Variants in EIF4G2 observed in about 807,000 individuals in gnomAD.
The protein encoded by EIF4G2 is DAP-5.
A neutral mutation model predicts 117.7 loss-of-function variants in EIF4G2; 8 were observed. The ratio of observed to expected loss-of-function variants is 0.07; its 90% confidence interval spans 0.04 to 0.12. The LOEUF is 0.12. Ranked by LOEUF, EIF4G2 falls within the 10% of genes least tolerant of loss-of-function variation. The pLI, the probability that EIF4G2 is intolerant of heterozygous loss-of-function variation, is 1.00. For missense variants in EIF4G2, 812 were observed against 1,086.2 expected (o/e 0.75, Z 3.55); for synonymous variants, 413 against 367.8 (o/e 1.12, Z -1.41).
intron 21 of EIF4G2, chr11:10,798,751 A>G (rs1002823140): frequency 8.6e-5 from 33 of 385,468 alleles, no homozygotes; most frequent in East Asian, 6.3e-4. Context: ...TCCCATGTAT[A>G]TAAGTAGCTA....
At chr11:10,804,458 T>C in intron 5 of EIF4G2, 40 bp from the exon 6 acceptor site, 2 of 1,540,996 alleles carry the variant, frequency 1.3e-6, no homozygotes, top group Non-Finnish European at 1.7e-6. Flanking sequence ...TATGAAAACT[T>C]CTCCAAGAAC....
Position 10,803,207 on chromosome 11 carries a change from T to G in EIF4G2, c.897+4A>C. On this transcript the variant is annotated splice_donor_region_variant and intron_variant, in intron 10 of 21. Coordinates refer to ENST00000339995, the MANE Select transcript of EIF4G2 (RefSeq NM_001418.4). This position sits in a 1 kb window ranked among gnomAD's most constrained non-coding sequence, Gnocchi z 4.0. Reference sequence around the variant, plus strand: ...ACCAACAAATTTAAAGAAACCAGTATTACCTGCAGCAGGAAACGAATCCTT... The same window carrying G: ...ACCAACAAATTTAAAGAAACCAGTAGTACCTGCAGCAGGAAACGAATCCTT... The G allele has an allele frequency of 6.2e-7, 1 of 1,613,302 alleles. No homozygotes were observed.
chr11:10,800,060 A>C (rs777595979), intron 18 of EIF4G2, 30 bp downstream of exon 18: 2 of 1,599,604 alleles, frequency 1.3e-6, no homozygotes, highest in East Asian at 4.5e-5. Context: ...ATATTAAAAA[A>C]ACAAAACAAA....
At chr11:10,806,469 C>G (rs1847572773) in intron 3 of EIF4G2, 1 of 324,162 alleles carries the variant, frequency 3.1e-6, no homozygotes, top group South Asian at 4.2e-5. Flanking sequence ...GTGTGAGCCA[C>G]TGTACCGGCT....
chr11:10,805,282 C>G (rs191490481), intron 4 of EIF4G2, among the ~76,000 whole-genome samples: 5 of 152,264 alleles, frequency 3.3e-5, no homozygotes, highest in Non-Finnish European at 7.4e-5. Flanking sequence ...ATCTCATTAT[C>G]AAGGCTAGAC....
chr11:10,803,754 A>C lies in EIF4G2; in HGVS notation c.702+145T>G. The C allele has an allele frequency of 8.2e-7, 1 of 1,217,792 alleles. No individual in the cohort carries two copies. The highest frequency in any genetic ancestry group is 1.4e-5 in the South Asian group (1 of 69,736). 75.4% of individuals were successfully genotyped at this position (1,217,792 alleles called of 1,614,324 possible). A position where few individuals can be genotyped will look rare whatever the true frequency, so the allele number is the denominator to read the frequency against. On this transcript the variant is annotated intron_variant, in intron 8 of 21. Transcript: ENST00000339995. The surrounding 1 kb of genome is among the most constrained non-coding windows in gnomAD (Gnocchi z 4.0). ...ATCAGTTCTAACTCTACTTTGTCAA[A>C]CACACCACGTATTTCAAATTATTCT...
rs1369110311 is a variant in EIF4G2, at chr11:10,800,660, C to CA, written c.1645-14dup. On this transcript the variant is annotated splice_polypyrimidine_tract_variant and intron_variant, in intron 16 of 21. Coordinates refer to ENST00000339995, the MANE Select transcript of EIF4G2 (RefSeq NM_001418.4). ...TCACAACAGTTTCCTGTGAAGAACA[C>CA]AAGTATCTTTAATGTATTCTCTATC... 1 of 1,613,888 alleles carries CA rather than the reference C, an allele frequency of 6.2e-7. No individual in the cohort carries two copies. Among genetic ancestry groups the CA allele is most frequent in the East Asian group, 2.2e-5 (1 of 44,888 alleles).
In EIF4G2 at chr11:10,800,985, T is replaced by A. The variant is rs758364463; in HGVS notation, c.1516A>T (p.Thr506Ser). The change falls in exon 15 of 22, where the codon ACT becomes TCT. Residue 506 changes from threonine (T) to serine (S), a missense_variant. Physicochemically the swap from Thr to Ser is moderately conservative, Grantham distance 58. This residue lies in a region of EIF4G2 where 571 missense variants were observed against 642.3 expected (regional missense o/e 0.89). Coordinates refer to ENST00000339995, the MANE Select transcript of EIF4G2 (RefSeq NM_001418.4). ...ACCTGTCCCAGAGGTGGTGTTTGAG[T>A]GCGTGGTGGTTGTGCACTAGGAGGA... The A allele has an allele frequency of 4.3e-6, 7 of 1,614,170 alleles. No individual in the cohort carries two copies. Among genetic ancestry groups the A allele is most frequent in the Non-Finnish European group, 5.1e-6 (6 of 1,180,006 alleles).
Position 10,802,561 on chromosome 11 carries a change from ACTT to A in EIF4G2, c.997-129_997-127del, listed in dbSNP as rs1488192018. ...ATAATTTATGTTATTTCTGTAAATA[ACTT>A]CTTCCAAAAATGGCAGACAAGGCTG... On this transcript the variant is annotated intron_variant, in intron 11 of 21. Transcript: ENST00000339995. 3 of 1,307,362 alleles carry A rather than the reference ACTT, an allele frequency of 2.3e-6. No homozygotes were observed. In the African/African-American group the frequency reaches 4.5e-5, roughly 20 times the overall value. 81.0% of individuals were successfully genotyped at this position (1,307,362 alleles called of 1,614,324 possible). A position where few individuals can be genotyped will look rare whatever the true frequency, so the allele number is the denominator to read the frequency against.
Position 10,805,018 on chromosome 11 carries a change from GGA to G in EIF4G2, c.249-5_249-4del, listed in dbSNP as rs1847522924. The G allele has an allele frequency of 1.9e-6, 3 of 1,606,330 alleles. No individual in the cohort carries two copies. Among genetic ancestry groups the G allele is most frequent in the African/African-American group, 2.7e-5 (2 of 74,810 alleles). On this transcript the variant is annotated splice_polypyrimidine_tract_variant and splice_region_variant and intron_variant, in intron 4 of 21. Coordinates refer to ENST00000339995, the MANE Select transcript of EIF4G2 (RefSeq NM_001418.4). ...CAGGAGTAAGCTTATTTAGTATGCTGGAGAAAAAGGAATTACATTTTAAGTGT... is the reference window on the plus strand; with the variant it reads ...CAGGAGTAAGCTTATTTAGTATGCTGGAAAAAGGAATTACATTTTAAGTGT...
intron 5 of EIF4G2, chr11:10,804,626 T>C (rs1392030922): frequency 6.0e-6 from 4 of 666,278 alleles, no homozygotes; most frequent in Admixed American, 3.2e-5. Flanking sequence ...TGTCATACAA[T>C]GCATTTCCAA....
At chr11:10,801,225 A>G in intron 14 of EIF4G2, 138 bp from the exon 15 acceptor site, 1 of 1,279,980 alleles carries the variant, frequency 7.8e-7, no homozygotes, top group East Asian at 2.5e-5. Flanking sequence ...AAGGTACTCC[A>G]CATTAACAGG....
intron 6 of EIF4G2, 21 bp from the exon 7 acceptor site, chr11:10,804,224 A>G: frequency 6.2e-7 from 1 of 1,613,398 alleles, no homozygotes; most frequent in South Asian, 1.1e-5. Context: ...AGACATTGTC[A>G]TGCTTTATTA....
At position 10,808,268 on chromosome 11, in the gene EIF4G2, C is replaced by G. The variant is rs550451497; in HGVS notation, c.-87+437G>C. 1.9e-4 allele frequency: 230 copies of G among 1,213,220 alleles called. No homozygotes were observed. The African/African-American group carries it at 2.9e-3, about 15-fold the overall frequency. The allele number at this position is 1,213,220 out of a possible 1,614,324, so 75.2% of individuals were successfully genotyped here. Reference sequence around the variant, plus strand: ...AGGGCAGCCCCTGCCGACTCCAGGTCCTACACACCTCCCCGCCGGGAGGCC... The same window carrying G: ...AGGGCAGCCCCTGCCGACTCCAGGTGCTACACACCTCCCCGCCGGGAGGCC... On this transcript the variant is annotated intron_variant, in intron 1 of 21. Transcript: ENST00000339995.
intron 7 of EIF4G2, 31 bp from the exon 8 acceptor site, chr11:10,804,081 A>G: frequency 6.2e-7 from 1 of 1,612,588 alleles, no homozygotes; most frequent in Non-Finnish European, 8.5e-7. Flanking sequence ...GTAAGCCAAC[A>G]TTCAGAATTA....
chr11:10,799,530 T>C, intron 19 of EIF4G2, 22 bp downstream of exon 19: 2 of 1,611,408 alleles, frequency 1.2e-6, no homozygotes, highest in East Asian at 2.2e-5. Context: ...CATTACCATA[T>C]GCAGAAAACC....
chr11:10,800,149 C>T lies in EIF4G2; in HGVS notation c.2060G>A (p.Arg687Gln), dbSNP rs774106928. Reference sequence around the variant, plus strand: ...TTGAAAAAGTTCTGTTAACCATTCTCGATCTTGTAATTTAGCTAACTGCTG... The same window carrying T: ...TTGAAAAAGTTCTGTTAACCATTCTTGATCTTGTAATTTAGCTAACTGCTG... The change falls in exon 18 of 22, where the codon CGA (arginine) becomes CAA (glutamine). Residue 687 changes from arginine to glutamine, a missense_variant. Transcript: ENST00000339995. 12 of 1,613,990 alleles carry T rather than the reference C, an allele frequency of 7.4e-6. No homozygotes were observed. The highest frequency in any genetic ancestry group is 6.7e-5 in the Admixed American group (4 of 59,988).
chr11:10,798,196 G>C (rs1198607106), intron 21 of EIF4G2, among the ~76,000 whole-genome samples: 1 of 152,084 alleles, frequency 6.6e-6, no homozygotes, highest in Non-Finnish European at 1.5e-5. Context: ...AGAATCACCT[G>C]GATTTTGTAC....
At position 10,800,252 on chromosome 11, in the gene EIF4G2, A is replaced by T. The variant is rs142230537; in HGVS notation, c.1957T>A (p.Ser653Thr). 7.1e-4 allele frequency: 1,145 copies of T among 1,614,232 alleles called. 3 individuals carry two copies. Among genetic ancestry groups the T allele is most frequent in the Non-Finnish European group, 8.0e-4 (942 of 1,180,034 alleles). ...AGTTCTGAAATGCTCACCAGCTCTG[A>T]AATGATGGCACGAGCTGCAAACTGT... The change falls in exon 18 of 22, where the codon TCA becomes ACA. Residue 653 changes from serine to threonine, a missense_variant. Coordinates refer to ENST00000339995, the MANE Select transcript of EIF4G2 (RefSeq NM_001418.4).
Sources: allele counts gnomAD v4.1 joint callset (sites outside exome capture counted in the v4.1 genomes callset), GRCh38; gene constraint gnomAD v4.1.1; regional missense constraint gnomAD v4.1.1; non-coding constraint Gnocchi (gnomAD v3.1); transcripts MANE v1.5; gene names NCBI Gene and HGNC (gene_info 2026-07-23, HGNC 2026-07-21).